The following PRH1 variants were observed in gnomAD, a reference collection of about 807,000 sequenced individuals.
PRH1 encodes the protein proline rich protein HaeIII subfamily 1, also known as salivary acidic proline-rich phosphoprotein 1/2.
PRH1 carries 7 observed loss-of-function variants against 7.9 expected under a neutral mutation model. The ratio of observed to expected loss-of-function variants is 0.89; its 90% confidence interval spans 0.50 to 1.67. The LOEUF (loss-of-function observed/expected upper bound fraction) is 1.67. Ranked by LOEUF, PRH1 falls within the 40% of genes most tolerant of loss-of-function variation. PRH1 has a pLI of 0.00. For missense variants in PRH1, 109 were observed against 223.6 expected (o/e 0.49, Z 3.27); for synonymous variants, 45 against 80.8 (o/e 0.56, Z 2.38).
intron 1 of PRH1, chr12:11,022,545 T>G: frequency 6.2e-7 from 1 of 1,611,970 alleles, no homozygotes; most frequent in Non-Finnish European, 8.5e-7. Flanking sequence ...CCAGAATTGA[T>G]GAAATGATGA....
chr12:11,047,802 AAATAT>A (rs1942964906), upstream of PRH1, among the ~76,000 whole-genome samples: 2 of 152,172 alleles, frequency 1.3e-5, no homozygotes, highest in Admixed American at 1.3e-4. Context: ...GCTTTATAAT[AAATAT>A]AAAATAAGAA....
At chr12:10,978,112 T>C (rs1359227488) in intron 1 of PRH1, among the ~76,000 whole-genome samples, 1 of 148,232 alleles carries the variant, frequency 6.7e-6, no homozygotes, top group Non-Finnish European at 1.5e-5. Context: ...CAAATAGCCA[T>C]GGCAATCCCA....
intron 2 of PRH1, chr12:10,930,418 C>A: frequency 6.7e-7 from 1 of 1,489,140 alleles, no homozygotes; most frequent in Non-Finnish European, 9.3e-7. Flanking sequence ...ATCAGTGCCC[C>A]AGAGATATAA....
rs140216805 is a variant in PRH1, at chr12:10,997,030, C to T, written c.-125-23309G>A. 3.7e-4 allele frequency: 597 copies of T among 1,613,974 alleles called. 2 individuals are homozygous for T. In the East Asian group the frequency reaches 0.011, roughly 29 times the overall value. ...GAAAGGTCTGCTTTAGCGTCTTGTT[C>T]CCCCAAATCAGAATGAATGAGTGGA... is the stretch of plus-strand genomic sequence containing the variant. On this transcript the variant is annotated intron_variant, in intron 1 of 3. Coordinates refer to the PRH1 transcript ENST00000539853.
chr12:11,156,201 C>T (rs905069339), intron 1 of PRH1, among the ~76,000 whole-genome samples: 1 of 152,160 alleles, frequency 6.6e-6, no homozygotes, highest in Non-Finnish European at 1.5e-5. Context: ...ACATTGAATT[C>T]TAGCTTCCAT....
intron 2 of PRH1, among the ~76,000 whole-genome samples, chr12:10,967,114 C>CAAA (rs35838979): frequency 1.0e-5 from 1 of 99,338 alleles, no homozygotes; most frequent in Non-Finnish European, 2.0e-5. Context: ...GACTCCGTCT[C>CAAA]AAAAAAAAAA....
intron 2 of PRH1, chr12:10,938,173 AC>A: frequency 2.1e-6 from 2 of 957,630 alleles, no homozygotes; most frequent in Non-Finnish European, 3.1e-6. Context: ...ACAAAGTTAT[AC>A]ACAATGAAAG....
At chr12:10,965,088 C>A in intron 2 of PRH1, 3 of 1,265,744 alleles carry the variant, frequency 2.4e-6, no homozygotes, top group Non-Finnish European at 3.3e-6. Flanking sequence ...TTGGTTACAG[C>A]CCAGGCATTA....
chr12:11,111,378 C>A (rs531637456), intron 1 of PRH1, among the ~76,000 whole-genome samples: 1 of 152,304 alleles, frequency 6.6e-6, no homozygotes, highest in African/African-American at 2.4e-5. Context: ...CACACTAATT[C>A]TAAAACTGAC....
chr12:10,950,864 G>A (rs1343038238), intron 2 of PRH1, among the ~76,000 whole-genome samples: 3 of 151,826 alleles, frequency 2.0e-5, no homozygotes, highest in Admixed American at 6.6e-5. Context: ...AAAAAAAAAA[G>A]ATTGGTAGTA....
At position 10,997,022 on chromosome 12, in the gene PRH1, G is replaced by A. The variant is rs370343870; in HGVS notation, c.-125-23301C>T. On this transcript the variant is annotated intron_variant, in intron 1 of 3. Transcript: ENST00000539853. ...AACTGAAAGAAAGGTCTGCTTTAGCGTCTTGTTCCCCCAAATCAGAATGAA... is the reference window on the plus strand; with the variant it reads ...AACTGAAAGAAAGGTCTGCTTTAGCATCTTGTTCCCCCAAATCAGAATGAA... 23 of 1,613,890 alleles carry A rather than the reference G, an allele frequency of 1.4e-5. No individual in the cohort carries two copies. Among genetic ancestry groups the A allele is most frequent in the Admixed American group, 5.0e-5 (3 of 59,974 alleles).
intron 1 of PRH1, among the ~76,000 whole-genome samples, chr12:11,130,349 C>CT (rs1406876485): frequency 2.0e-5 from 3 of 152,136 alleles, no homozygotes; most frequent in South Asian, 2.1e-4. Flanking sequence ...CTGAGACAAT[C>CT]TTTTTTACAG....
At chr12:10,943,006 G>A (rs1386810553) in intron 2 of PRH1, among the ~76,000 whole-genome samples, 1 of 152,172 alleles carries the variant, frequency 6.6e-6, no homozygotes, top group Admixed American at 6.5e-5. Flanking sequence ...GGGGGCAGAG[G>A]ATCTCCCTTT....
At chr12:10,956,285 T>C (rs1937952233) in intron 2 of PRH1, among the ~76,000 whole-genome samples, 2 of 152,180 alleles carry the variant, frequency 1.3e-5, no homozygotes, top group Non-Finnish European at 2.9e-5. Flanking sequence ...TAAATCAATA[T>C]ATGTGATTCA....
At chr12:11,030,734 G>T in intron 1 of PRH1, 2 of 1,614,210 alleles carry the variant, frequency 1.2e-6, no homozygotes, top group Non-Finnish European at 1.7e-6. Context: ...TTTACACAGA[G>T]AACAGATTAA....
intron 2 of PRH1, among the ~76,000 whole-genome samples, chr12:10,934,332 T>C (rs1338448201): frequency 6.6e-6 from 1 of 152,154 alleles, no homozygotes; most frequent in African/African-American, 2.4e-5. Context: ...CTCACCATTA[T>C]TACCGAAATC....
chr12:11,124,364 T>C (rs1173494737), intron 1 of PRH1, among the ~76,000 whole-genome samples: 1 of 137,408 alleles, frequency 7.3e-6, no homozygotes, highest in Non-Finnish European at 1.6e-5. Flanking sequence ...GCTTACTTAT[T>C]TGATTTGTTT....
At chr12:10,961,887 T>A (rs1005509811) in intron 2 of PRH1, among the ~76,000 whole-genome samples, 1 of 152,184 alleles carries the variant, frequency 6.6e-6, no homozygotes, top group East Asian at 1.9e-4. Context: ...AGTGCATGCA[T>A]CTGATGACCA....
chr12:10,925,897 A>C (rs1950116357), intron 2 of PRH1, among the ~76,000 whole-genome samples: 1 of 152,308 alleles, frequency 6.6e-6, no homozygotes, highest in African/African-American at 2.4e-5. Flanking sequence ...TATGTACCTA[A>C]GTCATGTCAT....
Sources: allele counts gnomAD v4.1 joint callset (sites outside exome capture counted in the v4.1 genomes callset), GRCh38; gene constraint gnomAD v4.1.1; transcripts MANE v1.5; gene names NCBI Gene and HGNC (gene_info 2026-07-23, HGNC 2026-07-21).